Variants in PNPLA5 observed in about 807,000 individuals in gnomAD.
The protein encoded by PNPLA5 is patatin-like phospholipase domain-containing protein 5.
PNPLA5 carries 44 observed loss-of-function variants against 49.1 expected under a neutral mutation model. The observed-to-expected ratio is 0.90, with a 90% confidence interval of 0.70 to 1.15. The LOEUF (loss-of-function observed/expected upper bound fraction) is 1.15, where lower values mean the gene tolerates loss of function less well. Among genes scored for constraint, PNPLA5 ranks in the 50% most tolerant of loss-of-function variants. The probability of loss-of-function intolerance (pLI) is 0.00; values close to 1 mark genes in which losing one functional copy is unlikely to be tolerated. For synonymous variants in PNPLA5, 243 were observed against 244.4 expected, an observed-to-expected ratio of 0.99 and a Z score of 0.06; for missense variants, 603 against 564.0, an observed-to-expected ratio of 1.07 and a Z score of -0.70.
chr22:43,891,167 G>A lies in PNPLA5; in HGVS notation c.321C>T (p.Asp107=), dbSNP rs958191455. Reference sequence around the variant, plus strand: ...GCCGCTGGGAGGCCAGGACGTGGGCGTCGGGGGGCAGAGCATCCTGCAGCT... The same window carrying A: ...GCCGCTGGGAGGCCAGGACGTGGGCATCGGGGGGCAGAGCATCCTGCAGCT... ...KQQLQDALPP[D]AHVLASQRLG... Residue 107 remains aspartate, a synonymous_variant, in exon 2 of 9, where the codon GAC becomes GAT. Coordinates refer to ENST00000216177, the MANE Select transcript of PNPLA5 (RefSeq NM_138814.4). The A allele has an allele frequency of 1.3e-6, 2 of 1,599,566 alleles. No individual in the cohort carries two copies. Among genetic ancestry groups the A allele is most frequent in the Admixed American group, 1.7e-5 (1 of 59,168 alleles).
chr22:43,889,876 A>C lies in PNPLA5; in HGVS notation c.427-12T>G. On this transcript the variant is annotated splice_polypyrimidine_tract_variant and intron_variant, in intron 2 of 8. Transcript: ENST00000216177. ...GTGCAGACCAAGGCCTAGGAAGAGA[A>C]GAGTCAGCAGGAACACAACTGTGCA... 6.2e-7 allele frequency: 1 copy of C among 1,613,312 alleles called. No homozygotes were observed. Among genetic ancestry groups the C allele is most frequent in the Non-Finnish European group, 8.5e-7 (1 of 1,179,826 alleles).
intron 8 of PNPLA5, chr22:43,881,109 A>G (rs1217930918): frequency 1.2e-5 from 7 of 594,064 alleles, no homozygotes; most frequent in Non-Finnish European, 1.5e-5. Flanking sequence ...CTAAACAGAT[A>G]ACTGTCGAGT....
At chr22:43,891,605 C>G in intron 1 of PNPLA5, 83 bp downstream of exon 1, 1 of 1,440,460 alleles carries the variant, frequency 6.9e-7, no homozygotes, top group Non-Finnish European at 9.2e-7. Context: ...CAGAGCACAG[C>G]GCCAGGCACC....
rs775516746 is a variant in PNPLA5, at chr22:43,881,655, C to T, written c.1102G>A (p.Asp368Asn). ...RSRRLVVWLP[D>N]VPADLWWMQG... ...ATCCACCACAAGTCCGCCGGCACATCGGGCAGCCACACCACCAACCTGGAG... is the reference window on the plus strand; with the variant it reads ...ATCCACCACAAGTCCGCCGGCACATTGGGCAGCCACACCACCAACCTGGAG... The change falls in exon 8 of 9, where the codon GAT becomes AAT. Residue 368 changes from aspartate to asparagine, a missense_variant. Physicochemically the swap from Asp to Asn is conservative, Grantham distance 23 (BLOSUM62 1). Transcript: ENST00000216177. The T allele has an allele frequency of 2.7e-5, 44 of 1,613,550 alleles. No individual in the cohort carries two copies. Among genetic ancestry groups the T allele is most frequent in the Non-Finnish European group, 3.6e-5 (42 of 1,179,896 alleles).
chr22:43,881,027 G>A (rs2049604746), intron 8 of PNPLA5, 142 bp from the exon 9 acceptor site: 4 of 1,234,356 alleles, frequency 3.2e-6, no homozygotes, highest in Middle Eastern at 3.1e-4. Context: ...GTGGACCTCA[G>A]TGTGGCTGAG....
At chr22:43,886,656 C>A in intron 5 of PNPLA5, 168 bp from the exon 6 acceptor site, 1 of 962,890 alleles carries the variant, frequency 1.0e-6, no homozygotes, top group Non-Finnish European at 1.2e-6. Flanking sequence ...CCTGGCCCTG[C>A]TCTGCCCTGC....
intron 8 of PNPLA5, 34 bp downstream of exon 8, chr22:43,881,524 C>T: frequency 1.3e-6 from 2 of 1,542,196 alleles, no homozygotes; most frequent in Non-Finnish European, 1.8e-6. Flanking sequence ...AGCACAGCCA[C>T]CCCCTCTCCA....
intron 6 of PNPLA5, among the ~76,000 whole-genome samples, chr22:43,885,409 A>G (rs1264233025): frequency 3.6e-5 from 1 of 27,652 alleles, no homozygotes. Context: ...TGGGTCCACC[A>G]CCCCCTCCCG....
intron 6 of PNPLA5, 136 bp from the exon 7 acceptor site, chr22:43,884,481 C>T: frequency 8.0e-7 from 1 of 1,245,124 alleles, no homozygotes; most frequent in Non-Finnish European, 1.0e-6. Flanking sequence ...GAGCAAGCCC[C>T]CACCACAGGC....
Position 43,884,290 on chromosome 22 carries a change from C to T in PNPLA5, c.1005G>A (p.Ser335=), listed in dbSNP as rs754725613. 1.9e-5 allele frequency: 30 copies of T among 1,600,922 alleles called. No homozygotes were observed. The highest frequency in any genetic ancestry group is 1.0e-4 in the South Asian group (9 of 89,570). The change falls in exon 7 of 9, where the codon TCG becomes TCA. Residue 335 remains serine, a synonymous_variant. Transcript: ENST00000216177. ...DPSRWARFWH[S]GPGQVLTYLL... ...GGTACGTCAGCACCTGTCCAGGCCCCGAGTGCCAGAAGCGGGCCCACCGGC... is the reference window on the plus strand; with the variant it reads ...GGTACGTCAGCACCTGTCCAGGCCCTGAGTGCCAGAAGCGGGCCCACCGGC...
chr22:43,884,532 G>T (rs5764011), intron 6 of PNPLA5, 187 bp from the exon 7 acceptor site: 208,588 of 428,892 alleles, frequency 0.49, 52,787 homozygotes, highest in East Asian at 0.93. Flanking sequence ...GTGAGACAAG[G>T]GGTGTATGCC....
chr22:43,884,440 C>G, intron 6 of PNPLA5, 95 bp from the exon 7 acceptor site: 2 of 1,404,906 alleles, frequency 1.4e-6, no homozygotes, highest in South Asian at 3.4e-5. Flanking sequence ...ACTGCACCCC[C>G]TCCACCTTCT....
rs547532583 is a variant in PNPLA5 at position 43,888,830 on chromosome 22, G to A, written c.702+499C>T. ...CCTTCATTTTTTTCTTTGCATTTGT[G>A]CCTTGCCTCTACAATGGATGGTCAA... is the stretch of plus-strand genomic sequence containing the variant. On this transcript the variant is annotated intron_variant, in intron 4 of 8. Transcript: ENST00000216177. 3.9e-5 allele frequency among the ~76,000 whole-genome samples: 6 copies of A among 152,280 alleles called. No individual in the cohort carries two copies. The East Asian group carries it at 7.7e-4, about 20-fold the overall frequency.
Sources: gnomAD v4.1 joint callset for allele counts (sites outside exome capture counted in the v4.1 genomes callset) on GRCh38, gnomAD v4.1.1 for gene constraint, MANE v1.5 for transcripts, NCBI Gene and HGNC (gene_info 2026-07-23, HGNC 2026-07-21) for gene names.